Variants in NPC1 observed in about 807,000 individuals in gnomAD.
The protein encoded by NPC1 is Niemann-Pick C1 protein.
Under a neutral mutation model 140.4 loss-of-function variants are expected in NPC1, and 85 were observed. The observed-to-expected ratio is 0.61, with a 90% CI of 0.51 to 0.72. NPC1 has a LOEUF of 0.72. Among genes scored for constraint, NPC1 ranks in the 30% least tolerant of loss-of-function variants. NPC1 has a pLI of 0.00. For synonymous variants in NPC1, 656 were observed against 624.8 expected (o/e 1.05, Z -0.74); for missense variants, 1,504 against 1,623.8 (o/e 0.93, Z 1.27).
At chr18:23,510,092 G>A (rs1347874919) in intron 3 of NPC1, among the ~76,000 whole-genome samples, 1 of 151,464 alleles carries the variant, frequency 6.6e-6, no homozygotes, top group African/African-American at 2.4e-5. Context: ...GAAGGCCAAG[G>A]TGGGTGGATG....
At chr18:23,576,160 G>A (rs1298872637) in intron 1 of NPC1, among the ~76,000 whole-genome samples, 4 of 152,074 alleles carry the variant, frequency 2.6e-5, no homozygotes, top group Admixed American at 6.5e-5. Flanking sequence ...AGAGGCGGAG[G>A]TTGTGGTGAG....
At chr18:23,573,144 C>T (rs925736289) in intron 2 of NPC1, among the ~76,000 whole-genome samples, 1 of 152,208 alleles carries the variant, frequency 6.6e-6, no homozygotes, top group African/African-American at 2.4e-5. Flanking sequence ...AACCAGCTAA[C>T]TTCTAATATA....
intron 3 of NPC1, chr18:23,509,239 A>C (rs1442241050): frequency 6.8e-7 from 1 of 1,468,092 alleles, no homozygotes; most frequent in Non-Finnish European, 9.0e-7. Flanking sequence ...AGTTCAACTG[A>C]AATTGTCTTC....
At position 23,553,220 on chromosome 18, in the gene NPC1, T is replaced by G. The variant is rs116289366; in HGVS notation, c.1554-1493A>C. On this transcript the variant is annotated intron_variant, in intron 9 of 24. Transcript: ENST00000269228. ...ACGCACCTCTGTCCCCCATCATTTT[T>G]GTTGACTTTTATCTTGTGCCACAGA... 5.8e-3 allele frequency among the ~76,000 whole-genome samples: 890 copies of G among 152,384 alleles called. 7 individuals carry two copies. Among genetic ancestry groups the G allele is most frequent in the African/African-American group, 0.02 (823 of 41,586 alleles).
chr18:23,555,391 T>C (rs2058935516), intron 8 of NPC1, among the ~76,000 whole-genome samples: 1 of 152,256 alleles, frequency 6.6e-6, no homozygotes, highest in South Asian at 2.1e-4. Context: ...TACAGCCATT[T>C]ATATATGTCC....
At chr18:23,519,247 G>A, downstream of NPC1, 1 of 1,346,474 alleles carries the variant, frequency 7.4e-7, no homozygotes, top group Non-Finnish European at 1.1e-6. Context: ...GCTGGGCACG[G>A]TGGATCACGC....
At chr18:23,549,142 T>C (rs1271463051) in intron 10 of NPC1, among the ~76,000 whole-genome samples, 1 of 152,176 alleles carries the variant, frequency 6.6e-6, no homozygotes, top group East Asian at 1.9e-4. Flanking sequence ...ATATTTCCAA[T>C]TTTGATAAAT....
chr18:23,535,366 TG>T, intron 22 of NPC1, 102 bp downstream of exon 22: 1 of 860,384 alleles, frequency 1.2e-6, no homozygotes, highest in Non-Finnish European at 1.9e-6. Flanking sequence ...GCGCCAGACT[TG>T]GTATCTTACT....
At chr18:23,545,391 C>T (rs1026052531) in intron 11 of NPC1, among the ~76,000 whole-genome samples, 13 of 152,170 alleles carry the variant, frequency 8.5e-5, no homozygotes, top group Admixed American at 6.5e-5. Context: ...TCCAGGCGTG[C>T]GCCACCAGGC....
At chr18:23,585,164 C>T (rs2059402411) in intron 1 of NPC1, among the ~76,000 whole-genome samples, 1 of 152,154 alleles carries the variant, frequency 6.6e-6, no homozygotes, top group Non-Finnish European at 1.5e-5. Flanking sequence ...TGTTTTGACA[C>T]AGGGTCTTGC....
intron 9 of NPC1, among the ~76,000 whole-genome samples, chr18:23,553,140 T>C (rs1256762372): frequency 6.6e-6 from 1 of 152,232 alleles, no homozygotes; most frequent in African/African-American, 2.4e-5. Flanking sequence ...TGCCACTCCC[T>C]GTACCGCTTC....
chr18:23,529,609 G>GT (rs767071478), downstream of NPC1: 1 of 1,600,462 alleles, frequency 6.2e-7, no homozygotes, highest in Non-Finnish European at 8.6e-7. Context: ...GTTGGTATTT[G>GT]TAAGACCACA....
At chr18:23,513,038 C>G (rs2057904990) in intron 3 of NPC1, among the ~76,000 whole-genome samples, 1 of 152,140 alleles carries the variant, frequency 6.6e-6, no homozygotes, top group African/African-American at 2.4e-5. Flanking sequence ...ACTGCAACCT[C>G]TGTCTCCTGG....
intron 1 of NPC1, among the ~76,000 whole-genome samples, chr18:23,585,150 T>C (rs1224700363): frequency 6.6e-6 from 1 of 152,142 alleles, no homozygotes; most frequent in African/African-American, 2.4e-5. Context: ...TTCTCTCTCT[T>C]TTTTGTTTTG....
chr18:23,532,695 C>CTTTTTTTTT, intron 24 of NPC1, among the ~76,000 whole-genome samples: 1 of 136,820 alleles, frequency 7.3e-6, no homozygotes, highest in Non-Finnish European at 1.5e-5. Context: ...GTGCTCATCT[C>CTTTTTTTTT]TTTTTTTTTT....
chr18:23,562,182 G>A lies in NPC1; in HGVS notation c.464-655C>T, dbSNP rs545902262. ...CGGACGCCTGTAGTCCCAGCTACTC[G>A]GGAGGCTGAGGCGGGAGAATGGCAT... On this transcript the variant is annotated intron_variant, in intron 4 of 24. Transcript: ENST00000269228. Among the ~76,000 whole-genome samples the A allele has an allele frequency of 2.2e-3, 335 of 151,972 alleles. 2 individuals carry two copies. Among genetic ancestry groups the A allele is most frequent in the African/African-American group, 7.7e-3 (320 of 41,444 alleles).
At chr18:23,510,948 T>C (rs2057839844) in intron 3 of NPC1, among the ~76,000 whole-genome samples, 1 of 152,220 alleles carries the variant, frequency 6.6e-6, no homozygotes, top group African/African-American at 2.4e-5. Context: ...GCAGAACTAC[T>C]GTTTGACCTA....
Position 23,560,487 on chromosome 18 carries a change from A to G in NPC1, c.632-7T>C, listed in dbSNP as rs781044030. The G allele has an allele frequency of 1.9e-6, 3 of 1,614,032 alleles. No individual in the cohort carries two copies. The highest frequency in any genetic ancestry group is 2.2e-5 in the South Asian group (2 of 91,058). On this transcript the variant is annotated splice_polypyrimidine_tract_variant and splice_region_variant and intron_variant, in intron 5 of 24. Coordinates refer to ENST00000269228, the MANE Select transcript of NPC1 (RefSeq NM_000271.5). ...ATCCCATGGACTGGAAAATCTACAG[A>G]AAGGAATTGTGTTGAGTACAAATCT...
At chr18:23,543,622 G>C in intron 13 of NPC1, 53 bp from the exon 14 acceptor site, 1 of 1,011,640 alleles carries the variant, frequency 9.9e-7, no homozygotes, top group South Asian at 1.3e-5. Context: ...CAATAACAAC[G>C]CCATTTCTTG....
Sources: gnomAD v4.1 joint callset for allele counts (sites outside exome capture counted in the v4.1 genomes callset) on GRCh38, gnomAD v4.1.1 for gene constraint, MANE v1.5 for transcripts, NCBI Gene and HGNC (gene_info 2026-07-23, HGNC 2026-07-21) for gene names.